C8orf74: variants seen among roughly 807,000 people sequenced by gnomAD.
C8orf74 encodes chromosome 8 open reading frame 74.
Under a neutral mutation model 22.2 loss-of-function variants are expected in C8orf74, and 29 were observed. The ratio of observed to expected loss-of-function variants is 1.31; its 90% CI spans 0.97 to 1.78. C8orf74 has a LOEUF of 1.78. Ranked by LOEUF, C8orf74 falls within the 40% of genes most tolerant of loss-of-function variation. The pLI, the probability that C8orf74 is intolerant of heterozygous loss-of-function variation, is 0.00. For synonymous variants in C8orf74, 255 were observed against 163.1 expected (o/e 1.56, Z -4.30); for missense variants, 515 against 369.9 (o/e 1.39, Z -3.22).
At chr8:10,694,670 G>C (rs894715626) in intron 2 of C8orf74, among the ~76,000 whole-genome samples, 7 of 152,218 alleles carry the variant, frequency 4.6e-5, no homozygotes, top group Non-Finnish European at 8.8e-5. Context: ...TCAAAGAAAA[G>C]ACAGTTTCTT....
intron 2 of C8orf74, among the ~76,000 whole-genome samples, chr8:10,693,230 A>G (rs1799421543): frequency 6.6e-6 from 1 of 152,136 alleles, no homozygotes. Context: ...GGGCCTTTGC[A>G]CAAGCTGCTC....
At chr8:10,696,294 G>C (rs906779928) in intron 2 of C8orf74, among the ~76,000 whole-genome samples, 10 of 151,988 alleles carry the variant, frequency 6.6e-5, no homozygotes, top group African/African-American at 2.4e-4. Flanking sequence ...CACTGCCCTT[G>C]GTGCTGCCCT....
chr8:10,684,543 A>G (rs1799220650), intron 2 of C8orf74, among the ~76,000 whole-genome samples: 1 of 152,232 alleles, frequency 6.6e-6, no homozygotes, highest in African/African-American at 2.4e-5. Context: ...GTGTTTGAGT[A>G]GATTTTCCCC....
intron 2 of C8orf74, among the ~76,000 whole-genome samples, chr8:10,681,590 C>T (rs1167893451): frequency 2.0e-5 from 3 of 152,314 alleles, no homozygotes; most frequent in South Asian, 2.1e-4. Flanking sequence ...TGGCAGGAAA[C>T]TGAGCCTGGA....
rs1361895450 is a variant in C8orf74 at position 10,697,550 on chromosome 8, G to A, written c.242-49G>A. 5.1e-6 allele frequency: 8 copies of A among 1,560,152 alleles called. No homozygotes were observed. The South Asian group carries it at 9.5e-5, about 19-fold the overall frequency. On this transcript the variant is annotated intron_variant, in intron 2 of 3. Transcript: ENST00000304519. ...CAGAGCCCACATCCACTGCCTGGCA[G>A]GGCAGCTCTGTCCCACTCCCACTCT...
intron 2 of C8orf74, among the ~76,000 whole-genome samples, chr8:10,677,028 C>T (rs1277981269): frequency 6.6e-5 from 10 of 152,142 alleles, no homozygotes; most frequent in Admixed American, 2.0e-4. Context: ...TTGGAGCATG[C>T]CTTATCAACA....
Position 10,697,937 on chromosome 8 carries a change from G to C in C8orf74, c.580G>C (p.Glu194Gln), listed in dbSNP as rs1799565626. ...GAAAGAGGCGCTGCGCCTGGAGCGG[G>C]AGAACTCGCTGCAGAAGGCGTTCGC... Reference protein sequence around the residue: ...LLKEALRLERENSLQKAFAAA... With the variant: ...LLKEALRLERQNSLQKAFAAA... The change falls in exon 3 of 4, where the codon GAG becomes CAG. Residue 194 changes from glutamate (E) to glutamine (Q), a missense_variant. Transcript: ENST00000304519. The C allele has an allele frequency of 1.9e-6, 3 of 1,583,582 alleles. No homozygotes were observed. The highest frequency in any genetic ancestry group is 2.3e-5 in the East Asian group (1 of 44,192).
intron 2 of C8orf74, among the ~76,000 whole-genome samples, chr8:10,687,710 T>C (rs1354611629): frequency 6.6e-6 from 1 of 152,152 alleles, no homozygotes; most frequent in Non-Finnish European, 1.5e-5. Context: ...TTTAAATATG[T>C]TTACTTTTCT....
chr8:10,682,677 G>A (rs542541318), intron 2 of C8orf74, among the ~76,000 whole-genome samples: 1 of 152,180 alleles, frequency 6.6e-6, no homozygotes, highest in African/African-American at 2.4e-5. Flanking sequence ...GACATACTGG[G>A]GATTAGGACC....
intron 3 of C8orf74, among the ~76,000 whole-genome samples, chr8:10,699,697 ACT>A (rs1225928781): frequency 6.6e-6 from 1 of 152,004 alleles, no homozygotes; most frequent in Admixed American, 6.6e-5. Flanking sequence ...GGACACACCC[ACT>A]CTCTGAAGCA....
intron 3 of C8orf74, 104 bp from the exon 4 acceptor site, chr8:10,700,131 A>G (rs2129059583): frequency 1.4e-6 from 1 of 728,232 alleles, no homozygotes; most frequent in Non-Finnish European, 2.2e-6. Flanking sequence ...GGTGAGACGG[A>G]TGGACAGTGG....
rs1277090157 is a variant in C8orf74, at chr8:10,695,691, G to C, written c.242-1908G>C. Among the ~76,000 whole-genome samples the C allele has an allele frequency of 7.9e-5, 12 of 152,140 alleles. 1 individual carries two copies. Among genetic ancestry groups the C allele is most frequent in the Admixed American group, 7.9e-4 (12 of 15,274 alleles). On this transcript the variant is annotated intron_variant, in intron 2 of 3. Coordinates refer to ENST00000304519, the MANE Select transcript of C8orf74 (RefSeq NM_001040032.2). ...GACTTCAAAACAACCTCGTGGGCAA[G>C]ACTGAGACAGTCCCTGCTGAAGGGG...
chr8:10,686,984 G>C (rs1355181595), intron 2 of C8orf74: 2 of 416,082 alleles, frequency 4.8e-6, no homozygotes, highest in African/African-American at 4.1e-5. Context: ...TAGGTGAGTA[G>C]AATCACCAGG....
chr8:10,684,143 C>T (rs1249665366), intron 2 of C8orf74, among the ~76,000 whole-genome samples: 2 of 152,166 alleles, frequency 1.3e-5, no homozygotes, highest in Admixed American at 1.3e-4. Context: ...TCATTTAGTC[C>T]CCATGGCAGT....
chr8:10,691,848 C>A (rs1308285194), intron 2 of C8orf74: 1 of 152,460 alleles, frequency 6.6e-6, no homozygotes, highest in Non-Finnish European at 1.5e-5. Flanking sequence ...CATGAACCAC[C>A]CTGTCCAAAC....
chr8:10,673,670 C>T (rs1430499719), intron 1 of C8orf74: 1 of 153,888 alleles, frequency 6.5e-6, no homozygotes, highest in African/African-American at 2.4e-5. Flanking sequence ...TGAGAACTCT[C>T]AGAGGAAAGA....
At chr8:10,693,999 C>A (rs1350556826) in intron 2 of C8orf74, among the ~76,000 whole-genome samples, 1 of 152,246 alleles carries the variant, frequency 6.6e-6, no homozygotes, top group African/African-American at 2.4e-5. Context: ...CTGCTGCCTG[C>A]TCCTCTGCTG....
intron 2 of C8orf74, among the ~76,000 whole-genome samples, chr8:10,693,133 G>C (rs1276423239): frequency 2.0e-5 from 3 of 152,168 alleles, no homozygotes; most frequent in African/African-American, 7.2e-5. Context: ...CAGCCAGGCA[G>C]CTCCTTGCCT....
intron 2 of C8orf74, chr8:10,675,512 G>A (rs1307491477): frequency 1.3e-5 from 2 of 152,228 alleles, no homozygotes; most frequent in Non-Finnish European, 2.9e-5. Context: ...GCGGATGCTT[G>A]ATGAGAAATG....
Sources: gnomAD v4.1 joint callset for allele counts (sites outside exome capture counted in the v4.1 genomes callset) on GRCh38, gnomAD v4.1.1 for gene constraint, MANE v1.5 for transcripts, NCBI Gene and HGNC (gene_info 2026-07-23, HGNC 2026-07-21) for gene names.